OR10J1: variants seen among roughly 807,000 people sequenced by gnomAD.
The protein encoded by OR10J1 is olfactory receptor 10J1.
For synonymous variants in OR10J1, 202 were observed against 143.8 expected, an observed-to-expected ratio of 1.40 and a Z score of -2.89; for missense variants, 474 against 376.6, an observed-to-expected ratio of 1.26 and a Z score of -2.14.
chr1:159,405,938 A>T, the OR10J1 span: 1 of 498,906 alleles, frequency 2.0e-6, no homozygotes, highest in Non-Finnish European at 3.8e-6. Flanking sequence ...AGTGACCCAG[A>T]TCCCAGCCAG....
the OR10J1 span, among the ~76,000 whole-genome samples, chr1:159,426,100 A>C: frequency 6.6e-6 from 1 of 151,976 alleles, no homozygotes; most frequent in Admixed American, 6.6e-5. Flanking sequence ...CAATGGAAAC[A>C]AATTTTAAAA....
At chr1:159,424,781 C>A in the OR10J1 span, among the ~76,000 whole-genome samples, 1 of 151,700 alleles carries the variant, frequency 6.6e-6, no homozygotes, top group African/African-American at 2.4e-5. Context: ...AATATGAGTT[C>A]CAAACAGAAA....
the OR10J1 span, among the ~76,000 whole-genome samples, chr1:159,413,448 A>G: frequency 6.6e-6 from 1 of 152,100 alleles, no homozygotes; most frequent in South Asian, 2.1e-4. Flanking sequence ...CCAAATGTCC[A>G]ACAATGATAG....
the OR10J1 span, among the ~76,000 whole-genome samples, chr1:159,414,040 T>G: frequency 6.6e-6 from 1 of 152,008 alleles, no homozygotes. Flanking sequence ...AATGATCAAA[T>G]CAGCGTATTT....
At chr1:159,423,923 A>G in the OR10J1 span, among the ~76,000 whole-genome samples, 1 of 152,166 alleles carries the variant, frequency 6.6e-6, no homozygotes, top group Non-Finnish European at 1.5e-5. Context: ...ATGGACAGCC[A>G]AGGTGGTTTC....
At chr1:159,434,129 A>T (rs2101701822), upstream of OR10J1, among the ~76,000 whole-genome samples, 1 of 152,274 alleles carries the variant, frequency 6.6e-6, no homozygotes, top group African/African-American at 2.4e-5. Flanking sequence ...ATATTTTATT[A>T]TTCTTTTTTA....
chr1:159,411,654 T>C, the OR10J1 span, among the ~76,000 whole-genome samples: 2 of 152,138 alleles, frequency 1.3e-5, no homozygotes, highest in Non-Finnish European at 2.9e-5. Context: ...CTTTATCCAA[T>C]TTGCCAGTCT....
At chr1:159,415,173 C>A in the OR10J1 span, among the ~76,000 whole-genome samples, 3 of 152,020 alleles carry the variant, frequency 2.0e-5, no homozygotes, top group Admixed American at 6.6e-5. Context: ...GTTTTCCCTA[C>A]GTTTTCTTCT....
chr1:159,421,244 T>C, the OR10J1 span, among the ~76,000 whole-genome samples: 1 of 151,836 alleles, frequency 6.6e-6, no homozygotes, highest in Non-Finnish European at 1.5e-5. Context: ...GAATTTCTGT[T>C]AGGTTCTTTT....
the OR10J1 span, among the ~76,000 whole-genome samples, chr1:159,400,728 T>C: frequency 6.6e-6 from 1 of 151,792 alleles, no homozygotes; most frequent in Admixed American, 6.6e-5. Flanking sequence ...AGAAAATCCA[T>C]AAAGAAACCT....
In OR10J1 at chr1:159,440,608, A is replaced by T. The variant is rs752650088; in HGVS notation, c.817A>T (p.Ile273Phe). The change falls in exon 1 of 1, where the codon ATC becomes TTC. Residue 273 changes from isoleucine to phenylalanine, a missense_variant. Coordinates refer to ENST00000423932, the MANE Select transcript of OR10J1 (RefSeq NM_012351.3). ...SENTREHDQL[I>F]SVTYTVITPL... Reference sequence around the variant, plus strand: ...GAACACCAGAGAACATGACCAGCTGATCTCGGTGACCTACACTGTCATCAC... The same window carrying T: ...GAACACCAGAGAACATGACCAGCTGTTCTCGGTGACCTACACTGTCATCAC... 3.1e-6 allele frequency: 5 copies of T among 1,613,688 alleles called. No homozygotes were observed. In the South Asian group the frequency reaches 5.5e-5, roughly 18 times the overall value.
chr1:159,411,634 A>G, the OR10J1 span, among the ~76,000 whole-genome samples: 3 of 151,962 alleles, frequency 2.0e-5, no homozygotes, highest in Admixed American at 6.6e-5. Flanking sequence ...CACACTGATG[A>G]GTCTTGACTC....
At chr1:159,401,822 T>C in the OR10J1 span, among the ~76,000 whole-genome samples, 1 of 152,050 alleles carries the variant, frequency 6.6e-6, no homozygotes, top group Non-Finnish European at 1.5e-5. Flanking sequence ...ATATTTTTTA[T>C]GAATATTGAT....
At chr1:159,431,927 C>A in the OR10J1 span, among the ~76,000 whole-genome samples, 1 of 152,084 alleles carries the variant, frequency 6.6e-6, no homozygotes, top group East Asian at 1.9e-4. Flanking sequence ...CAGGATGTAG[C>A]CTCATCATAC....
At chr1:159,422,842 G>T in the OR10J1 span, among the ~76,000 whole-genome samples, 65 of 152,114 alleles carry the variant, frequency 4.3e-4, no homozygotes, top group Non-Finnish European at 5.3e-4. Context: ...GGGGCTTTTC[G>T]CTTACTCTTT....
At chr1:159,431,222 C>T in the OR10J1 span, among the ~76,000 whole-genome samples, 97 of 152,276 alleles carry the variant, frequency 6.4e-4, 2 homozygotes, top group African/African-American at 2.1e-3. Context: ...ACTATCCACA[C>T]GGGAGAAAAG....
chr1:159,404,446 C>T, the OR10J1 span, among the ~76,000 whole-genome samples: 5 of 151,924 alleles, frequency 3.3e-5, no homozygotes, highest in South Asian at 2.1e-4. Flanking sequence ...TTGTGCAGTG[C>T]GCGACAGTGC....
the OR10J1 span, among the ~76,000 whole-genome samples, chr1:159,417,224 CT>C: frequency 3.3e-5 from 5 of 152,164 alleles, no homozygotes; most frequent in East Asian, 9.7e-4. Flanking sequence ...CTTAGCACTG[CT>C]TTTGCTGTCT....
At chr1:159,404,632 C>G in the OR10J1 span, among the ~76,000 whole-genome samples, 2 of 152,102 alleles carry the variant, frequency 1.3e-5, no homozygotes, top group African/African-American at 4.8e-5. Context: ...GACAGCCTTG[C>G]CTGTACTATC....
Sources: allele counts gnomAD v4.1 joint callset (sites outside exome capture counted in the v4.1 genomes callset), GRCh38; gene constraint gnomAD v4.1.1; transcripts MANE v1.5; gene names NCBI Gene and HGNC (gene_info 2026-07-23, HGNC 2026-07-21).